The following CNNM4 variants were observed in gnomAD, a reference collection of about 807,000 sequenced individuals.
CNNM4 encodes cyclin and CBS domain divalent metal cation transport mediator 4.
In CNNM4, 32 loss-of-function variants were observed where a neutral mutation model predicts 53.7. That is an observed-to-expected ratio of 0.60 (90% CI 0.45 to 0.80). The LOEUF is 0.80. Among genes scored for constraint, CNNM4 ranks in the 30% least tolerant of loss-of-function variants. CNNM4 has a pLI of 0.00. For synonymous variants in CNNM4, 410 were observed against 440.0 expected (o/e 0.93, Z 0.85); for missense variants, 784 against 1,022.0 (o/e 0.77, Z 3.17).
intron 4 of CNNM4, 134 bp from the exon 5 acceptor site, chr2:96,799,418 C>T: frequency 9.1e-7 from 1 of 1,098,678 alleles, no homozygotes; most frequent in Non-Finnish European, 1.4e-6. Context: ...ACAGGTCAGG[C>T]CCCTGAGCTC....
At chr2:96,784,075 ACT>A (rs1482149972) in intron 1 of CNNM4, among the ~76,000 whole-genome samples, 4 of 152,080 alleles carry the variant, frequency 2.6e-5, no homozygotes, top group Non-Finnish European at 4.4e-5. Flanking sequence ...TCAGAAAAAA[ACT>A]CTGTCTCTAC....
chr2:96,764,632 G>A (rs373812608), intron 1 of CNNM4, among the ~76,000 whole-genome samples: 1 of 152,130 alleles, frequency 6.6e-6, no homozygotes, highest in East Asian at 1.9e-4. Flanking sequence ...CCAATCTGGC[G>A]TCCACCTTCT....
rs953646138 is a variant in CNNM4 at position 96,804,653 on chromosome 2, G to A, written c.1949-3908G>A. Among the ~76,000 whole-genome samples, 6 of 151,032 alleles carry A rather than the reference G, an allele frequency of 4.0e-5. No individual in the cohort carries two copies. In the South Asian group the frequency reaches 8.5e-4, roughly 21 times the overall value. On this transcript the variant is annotated intron_variant, in intron 5 of 6. Coordinates refer to ENST00000377075, the MANE Select transcript of CNNM4 (RefSeq NM_020184.4). ...CCTGACCTCGTGATCCACCCGCCTC[G>A]GCCTCCCAACGTGCTGGGATTACAG...
intron 1 of CNNM4, among the ~76,000 whole-genome samples, chr2:96,770,609 T>G (rs1322524929): frequency 6.6e-6 from 1 of 152,130 alleles, no homozygotes; most frequent in East Asian, 1.9e-4. Flanking sequence ...CTGCTTCCCC[T>G]CCTTTTCTAG....
At position 96,810,761 on chromosome 2, in the gene CNNM4, C is replaced by T. The variant is rs7565577; in HGVS notation, c.*1244C>T. The T allele has an allele frequency of 0.094, 14,355 of 152,308 alleles. 2,266 individuals carry two copies. The highest frequency in any genetic ancestry group is 0.33 in the African/African-American group (13,501 of 41,464). The allele number at this position is 152,308 out of a possible 1,614,324, so 9.4% of individuals were successfully genotyped here. ...GAGGAGGGCTCCTCCTAAAGGCATG[C>T]AGCTTGCAGCCCCTCTTTCTCACAC... On this transcript the variant is annotated 3_prime_UTR_variant, in exon 7 of 7. Coordinates refer to ENST00000377075, the MANE Select transcript of CNNM4 (RefSeq NM_020184.4). The surrounding 1 kb of genome is among the most constrained non-coding windows in gnomAD (Gnocchi z 4.1).
At chr2:96,783,024 G>T (rs1185656742) in intron 1 of CNNM4, among the ~76,000 whole-genome samples, 1 of 152,100 alleles carries the variant, frequency 6.6e-6, no homozygotes, top group Non-Finnish European at 1.5e-5. Context: ...TGGTCAACAT[G>T]TGAGACTCTG....
Position 96,797,587 on chromosome 2 carries a change from G to T in CNNM4, c.1621G>T (p.Glu541Ter). ...DFSAFKDADN[E>*]LKVKISPQLL... ...CTCTGCCTTCAAGGATGCGGACAAT[G>T]AGCTCAAAGTGAAAATCTCCCCGCA... The change falls in exon 3 of 7, where the codon GAG becomes TAG. Residue 541 changes from glutamate (E) to a stop codon, truncating the protein, a stop_gained. Transcript: ENST00000377075. LOFTEE classifies it high-confidence loss of function. This position sits in a 1 kb window ranked among gnomAD's most constrained non-coding sequence, Gnocchi z 6.0. The T allele has an allele frequency of 6.2e-7, 1 of 1,614,218 alleles. No individual in the cohort carries two copies.
intron 5 of CNNM4, among the ~76,000 whole-genome samples, chr2:96,803,505 G>T (rs1421207513): frequency 6.6e-6 from 1 of 152,120 alleles, no homozygotes; most frequent in African/African-American, 2.4e-5. Context: ...TGCGTGGATT[G>T]CCTGAGGTCG....
Position 96,760,925 on chromosome 2 carries a change from G to A in CNNM4, c.-75G>A, listed in dbSNP as rs1224967600. On this transcript the variant is annotated 5_prime_UTR_variant, in exon 1 of 7. Coordinates refer to ENST00000377075, the MANE Select transcript of CNNM4 (RefSeq NM_020184.4). ...GCAGTTGGCTCGGCGGCAGCGGAGC[G>A]GCCGGAGCTGCGGTGCGGACCGGGG... 2.4e-6 allele frequency: 2 copies of A among 819,480 alleles called. No individual in the cohort carries two copies. Among genetic ancestry groups the A allele is most frequent in the African/African-American group, 1.9e-5 (1 of 53,740 alleles). 50.8% of individuals were successfully genotyped at this position (819,480 alleles called of 1,614,324 possible).
At chr2:96,799,683 G>GC (rs2079141180) in intron 5 of CNNM4, 35 bp downstream of exon 5, 2 of 1,493,082 alleles carry the variant, frequency 1.3e-6, no homozygotes, top group Non-Finnish European at 1.8e-6. Flanking sequence ...CTGCCCTTTG[G>GC]CCCCCCTGCA....
chr2:96,806,535 A>ACACACGCGCGCGCACG (rs374638753), intron 5 of CNNM4, among the ~76,000 whole-genome samples: 1 of 123,944 alleles, frequency 8.1e-6, no homozygotes, highest in African/African-American at 2.9e-5. Context: ...ACACACACAC[A>ACACACGCGCGCGCACG]CGCGCGCGCG....
intron 1 of CNNM4, among the ~76,000 whole-genome samples, chr2:96,796,460 C>G (rs1181215874): frequency 7.9e-5 from 12 of 151,932 alleles, no homozygotes; most frequent in Non-Finnish European, 2.9e-5. Context: ...CATTTTTATC[C>G]GATTTAAACA....
chr2:96,771,547 A>G (rs1399021287), intron 1 of CNNM4, among the ~76,000 whole-genome samples: 1 of 151,902 alleles, frequency 6.6e-6, no homozygotes, highest in African/African-American at 2.4e-5. Flanking sequence ...TCTACTTTTT[A>G]GACAAATACA....
intron 1 of CNNM4, among the ~76,000 whole-genome samples, chr2:96,780,161 T>C (rs190652648): frequency 5.6e-4 from 86 of 152,298 alleles, no homozygotes; most frequent in Admixed American, 1.4e-3. Context: ...TTTTCATTTG[T>C]GTCCTCTTAG....
intron 1 of CNNM4, among the ~76,000 whole-genome samples, chr2:96,788,252 CT>C (rs753661420): frequency 0.012 from 1,717 of 140,036 alleles, 17 homozygotes; most frequent in African/African-American, 0.025. Flanking sequence ...TCGCTGTAAT[CT>C]TTTTTTTTTT....
At position 96,801,245 on chromosome 2, in the gene CNNM4, C is replaced by T. The variant is rs188229173; in HGVS notation, c.1948+1597C>T. 5.2e-4 allele frequency: 267 copies of T among 514,466 alleles called. No individual in the cohort carries two copies. The highest frequency in any genetic ancestry group is 4.9e-3 in the African/African-American group (239 of 48,326). The allele number at this position is 514,466 out of a possible 1,614,324, so 31.9% of individuals were successfully genotyped here. ...GGACCCCCGCCTGCTCAATGTGGGC[C>T]GCCAGACCTCAGTGGCTCTGCTTGG... On this transcript the variant is annotated intron_variant, in intron 5 of 6. Transcript: ENST00000377075. This position sits in a 1 kb window ranked among gnomAD's most constrained non-coding sequence, Gnocchi z 5.6.
Position 96,797,230 on chromosome 2 carries a change from G to C in CNNM4, c.1546+75G>C. On this transcript the variant is annotated intron_variant, in intron 2 of 6. Coordinates refer to ENST00000377075, the MANE Select transcript of CNNM4 (RefSeq NM_020184.4). This position sits in a 1 kb window ranked among gnomAD's most constrained non-coding sequence, Gnocchi z 6.0. ...AAACTTGGTGTCCCTAGCTGGAAGG[G>C]CCATAGTGCAGGGACACAGGAGGCC... The C allele has an allele frequency of 6.3e-7, 1 of 1,593,226 alleles. No individual in the cohort carries two copies.
chr2:96,797,735 C>A lies in CNNM4; in HGVS notation c.1681+88C>A. ...TTCCGGCTGCTTTCCCCCCATAGGA[C>A]GAGGGCTGCAGCAGGTGAGGGGTGC... On this transcript the variant is annotated intron_variant, in intron 3 of 6. Transcript: ENST00000377075. The surrounding 1 kb of genome is among the most constrained non-coding windows in gnomAD (Gnocchi z 6.0). 2 of 1,563,124 alleles carry A rather than the reference C, an allele frequency of 1.3e-6. No individual in the cohort carries two copies. Among genetic ancestry groups the A allele is most frequent in the East Asian group, 2.3e-5 (1 of 43,796 alleles).
chr2:96,780,123 A>T (rs2078961161), intron 1 of CNNM4, among the ~76,000 whole-genome samples: 1 of 152,026 alleles, frequency 6.6e-6, no homozygotes, highest in South Asian at 2.1e-4. Context: ...TATAGTAGTG[A>T]ATCTTCCAAT....
Sources: allele counts gnomAD v4.1 joint callset (sites outside exome capture counted in the v4.1 genomes callset), GRCh38; gene constraint gnomAD v4.1.1; non-coding constraint Gnocchi (gnomAD v3.1); transcripts MANE v1.5; gene names NCBI Gene and HGNC (gene_info 2026-07-23, HGNC 2026-07-21).